PSPH: variants seen among roughly 807,000 people sequenced by gnomAD.
PSPH encodes the protein phosphoserine phosphatase.
PSPH carries 16 observed loss-of-function variants against 23.4 expected under a neutral mutation model. That is an observed-to-expected ratio of 0.68 (90% CI 0.46 to 1.04). The LOEUF (loss-of-function observed/expected upper bound fraction) is 1.04, where lower values mean the gene tolerates loss of function less well. Ranked by LOEUF, PSPH falls within the 50% of genes least tolerant of loss-of-function variation. The probability of loss-of-function intolerance (pLI) is 0.00; values close to 1 mark genes in which losing one functional copy is unlikely to be tolerated. For synonymous variants in PSPH, 68 were observed against 99.7 expected (o/e 0.68, Z 1.89); for missense variants, 223 against 273.7 (o/e 0.81, Z 1.31).
intron 3 of PSPH, among the ~76,000 whole-genome samples, chr7:56,022,366 A>G (rs967719386): frequency 2.6e-5 from 4 of 152,086 alleles, no homozygotes; most frequent in African/African-American, 9.7e-5. Flanking sequence ...GGCTTCAAGG[A>G]GGCACAAGTA....
chr7:56,042,705 T>C (rs1360325576), intron 1 of PSPH, among the ~76,000 whole-genome samples: 2 of 149,556 alleles, frequency 1.3e-5, no homozygotes, highest in African/African-American at 4.9e-5. Flanking sequence ...ACTATCACAC[T>C]GGGCATGGTG....
chr7:56,021,285 A>T (rs1281170728), intron 3 of PSPH, 54 bp from the exon 4 acceptor site: 1 of 1,530,848 alleles, frequency 6.5e-7, no homozygotes, highest in African/African-American at 1.4e-5. Flanking sequence ...TTATGAAAAG[A>T]TCCCACCTTG....
chr7:56,039,894 C>T (rs571228806), intron 1 of PSPH, among the ~76,000 whole-genome samples: 2 of 150,974 alleles, frequency 1.3e-5, no homozygotes, highest in African/African-American at 2.4e-5. Context: ...GTCAGGAGAT[C>T]GAGACCATCC....
rs935820820 is a variant in PSPH at position 56,011,793 on chromosome 7, A to C, written c.647T>G (p.Phe216Cys). Residue 216 changes from phenylalanine (F) to cysteine (C), a missense_variant, in exon 8 of 8, where the codon TTT becomes TGT. Phe to Cys is a radical substitution (Grantham distance 205). Coordinates refer to ENST00000275605, the MANE Select transcript of PSPH (RefSeq NM_004577.4). Reference protein sequence around the residue: ...KDNAKWYITDFVELLGELEE With the variant: ...KDNAKWYITDCVELLGELEE The stretch of plus-strand genomic sequence containing the variant: ...TTCCAGTTCTCCCAGCAGCTCTACA[A>C]AATCAGTGATATACCATTTGGCGTT... 6.2e-7 allele frequency: 1 copy of C among 1,613,356 alleles called. No homozygotes were observed. Among genetic ancestry groups the C allele is most frequent in the African/African-American group, 1.3e-5 (1 of 74,912 alleles).
chr7:56,021,684 C>G (rs1218400544), intron 3 of PSPH, among the ~76,000 whole-genome samples: 2 of 150,794 alleles, frequency 1.3e-5, no homozygotes, highest in Non-Finnish European at 2.9e-5. Context: ...CGCGGTGGCT[C>G]AGGCCTGTAA....
At chr7:56,043,999 C>T (rs1792903522) in intron 1 of PSPH, among the ~76,000 whole-genome samples, 1 of 152,014 alleles carries the variant, frequency 6.6e-6, no homozygotes, top group South Asian at 2.1e-4. Flanking sequence ...TCTTGTTGCC[C>T]AGGCTGAAGT....
chr7:56,032,819 G>A (rs1423279394), intron 2 of PSPH, among the ~76,000 whole-genome samples: 1 of 151,386 alleles, frequency 6.6e-6, no homozygotes, highest in African/African-American at 2.4e-5. Flanking sequence ...AGGCATGGTG[G>A]TGCGTATTTG....
intron 1 of PSPH, among the ~76,000 whole-genome samples, chr7:56,039,260 T>C (rs929437863): frequency 6.6e-6 from 1 of 151,902 alleles, no homozygotes; most frequent in African/African-American, 2.4e-5. Context: ...AAAAAGAGAC[T>C]ATCATTTAAT....
At chr7:56,044,911 T>TA (rs36090435) in intron 1 of PSPH, among the ~76,000 whole-genome samples, 101,025 of 150,926 alleles carry the variant, frequency 0.67, 33,996 homozygotes, top group East Asian at 0.7. Context: ...CCATCTCTAC[T>TA]AAAATACAAA....
chr7:56,027,610 G>A (rs966518051), intron 3 of PSPH, among the ~76,000 whole-genome samples: 6 of 150,532 alleles, frequency 4.0e-5, no homozygotes, highest in African/African-American at 1.2e-4. Context: ...TTGCTTGAAC[G>A]CGGGAGGTGG....
intron 1 of PSPH, among the ~76,000 whole-genome samples, chr7:56,046,989 G>A (rs1793338354): frequency 1.3e-5 from 2 of 152,050 alleles, no homozygotes; most frequent in Admixed American, 1.3e-4. Flanking sequence ...GAGCATTCTT[G>A]GGCCTTGCAT....
intron 1 of PSPH, among the ~76,000 whole-genome samples, chr7:56,045,215 A>G (rs1793070201): frequency 6.6e-6 from 1 of 152,214 alleles, no homozygotes; most frequent in Non-Finnish European, 1.5e-5. Context: ...TGATGAAAGC[A>G]GAAAATTGGC....
intron 7 of PSPH, among the ~76,000 whole-genome samples, chr7:56,013,156 T>TACACACACACACACACAC (rs34329610): frequency 5.6e-5 from 8 of 142,174 alleles, no homozygotes; most frequent in South Asian, 2.3e-4. Flanking sequence ...TGTATGTGTA[T>TACACACACACACACACAC]ACACACACAC....
At chr7:56,013,082 TAC>T (rs1239545636) in intron 7 of PSPH, among the ~76,000 whole-genome samples, 1 of 114,834 alleles carries the variant, frequency 8.7e-6, no homozygotes, top group Non-Finnish European at 2.0e-5. Flanking sequence ...TATATTTATA[TAC>T]ACACATATAT....
At chr7:56,037,706 AT>A (rs71015167) in intron 1 of PSPH, among the ~76,000 whole-genome samples, 4,166 of 115,174 alleles carry the variant, frequency 0.036, 48 homozygotes, top group East Asian at 0.13. Context: ...AAGCTAACAA[AT>A]TTTTTTTTTT....
At chr7:56,049,898 G>C (rs1371885156) in intron 1 of PSPH, among the ~76,000 whole-genome samples, 2 of 151,412 alleles carry the variant, frequency 1.3e-5, no homozygotes, top group Non-Finnish European at 2.9e-5. Flanking sequence ...ACACCACCAG[G>C]CCAGGCTGAT....
intron 3 of PSPH, among the ~76,000 whole-genome samples, chr7:56,029,757 G>C (rs1790685159): frequency 6.6e-6 from 1 of 152,126 alleles, no homozygotes; most frequent in Admixed American, 6.6e-5. Context: ...AGCCTGTACA[G>C]AGTTGTGAAG....
chr7:56,037,122 C>T (rs144514625), intron 1 of PSPH, among the ~76,000 whole-genome samples: 1,535 of 147,494 alleles, frequency 0.01, 21 homozygotes, highest in African/African-American at 0.035. Flanking sequence ...TGCAGTGAAC[C>T]GAGATTACAC....
chr7:56,046,888 G>A (rs1793323641), intron 1 of PSPH, among the ~76,000 whole-genome samples: 2 of 151,852 alleles, frequency 1.3e-5, no homozygotes, highest in Admixed American at 1.3e-4. Context: ...GTAGTGAGTG[G>A]GCAAGCCTGC....
Sources: gnomAD v4.1 joint callset for allele counts (sites outside exome capture counted in the v4.1 genomes callset) on GRCh38, gnomAD v4.1.1 for gene constraint, MANE v1.5 for transcripts, NCBI Gene and HGNC (gene_info 2026-07-23, HGNC 2026-07-21) for gene names.